Variants in COL28A1 observed in about 807,000 individuals in gnomAD.
COL28A1 encodes the protein collagen alpha-1(XXVIII) chain.
A neutral mutation model predicts 150.2 loss-of-function variants in COL28A1; 161 were observed. The ratio of observed to expected loss-of-function variants is 1.07; its 90% CI spans 0.94 to 1.22. The LOEUF is 1.22. Ranked by LOEUF, COL28A1 falls within the 50% of genes most tolerant of loss-of-function variation. The pLI is 0.00. For missense variants in COL28A1, 1,617 were observed against 1,388.3 expected, an observed-to-expected ratio of 1.16 and a Z score of -2.62; for synonymous variants, 552 against 469.7, an observed-to-expected ratio of 1.18 and a Z score of -2.26.
chr7:7,413,166 C>A (rs1783881421), intron 27 of COL28A1, among the ~76,000 whole-genome samples: 1 of 152,048 alleles, frequency 6.6e-6, no homozygotes, highest in African/African-American at 2.4e-5. Context: ...TAGAGGTCAC[C>A]AAATTACCCA....
intron 33 of COL28A1, among the ~76,000 whole-genome samples, chr7:7,365,029 G>A (rs1009569844): frequency 6.6e-6 from 1 of 152,054 alleles, no homozygotes; most frequent in Non-Finnish European, 1.5e-5. Flanking sequence ...AAAAAATTAG[G>A]CCCTAACATG....
At position 7,484,142 on chromosome 7, in the gene COL28A1, A is replaced by G. The variant is rs190306899; in HGVS notation, c.1164+5247T>C. Among the ~76,000 whole-genome samples, 946 of 152,306 alleles carry G rather than the reference A, an allele frequency of 6.2e-3. 37 individuals are homozygous for G. Among genetic ancestry groups the G allele is most frequent in the Admixed American group, 0.051 (787 of 15,306 alleles). ...AAAGTATATGTGAAAATATACTCAC[A>G]TTTATATGCATCATAATTCCTCTAC... On this transcript the variant is annotated intron_variant, in intron 13 of 34. Transcript: ENST00000399429.
intron 25 of COL28A1, among the ~76,000 whole-genome samples, chr7:7,420,855 T>C (rs929409628): frequency 6.7e-6 from 1 of 149,470 alleles, no homozygotes; most frequent in African/African-American, 2.6e-5. Context: ...TGCACAGCTA[T>C]TAAGGTGCAG....
chr7:7,356,329 G>A (rs933876602), downstream of COL28A1: 3 of 152,170 alleles, frequency 2.0e-5, no homozygotes, highest in African/African-American at 7.2e-5. Context: ...TAAATACGAA[G>A]TTCAAAATGG....
At position 7,398,506 on chromosome 7, in the gene COL28A1, A is replaced by T. The variant is rs539863400; in HGVS notation, c.2137-16894T>A. On this transcript the variant is annotated intron_variant, in intron 27 of 34. Transcript: ENST00000399429. The stretch of plus-strand genomic sequence containing the variant: ...TTTTGATTTTCTATCCAATTCACAG[A>T]ATTTAGTCCTGTTTTCTGACAATGA... Among the ~76,000 whole-genome samples the T allele has an allele frequency of 1.4e-4, 21 of 152,346 alleles. No individual in the cohort carries two copies. In the South Asian group the frequency reaches 4.3e-3, roughly 32 times the overall value.
intron 33 of COL28A1, among the ~76,000 whole-genome samples, chr7:7,361,592 GTGA>G (rs1780656851): frequency 6.6e-6 from 1 of 152,178 alleles, no homozygotes; most frequent in African/African-American, 2.4e-5. Context: ...CTAATGACCA[GTGA>G]TGATAAGCGT....
intron 18 of COL28A1, among the ~76,000 whole-genome samples, chr7:7,451,605 G>A (rs577207251): frequency 6.6e-5 from 10 of 151,980 alleles, no homozygotes; most frequent in South Asian, 2.1e-4. Context: ...GTACTCTAAC[G>A]GCTGAGCCTT....
chr7:7,399,128 A>C (rs546967304), intron 27 of COL28A1, among the ~76,000 whole-genome samples: 1 of 152,138 alleles, frequency 6.6e-6, no homozygotes, highest in Admixed American at 6.5e-5. Flanking sequence ...AATCCATCAA[A>C]ATACACCTTA....
At chr7:7,419,724 T>A (rs1471490075) in intron 26 of COL28A1, among the ~76,000 whole-genome samples, 161 bp downstream of exon 26, 4 of 152,242 alleles carry the variant, frequency 2.6e-5, no homozygotes, top group African/African-American at 9.6e-5. Context: ...AATGTTCTAT[T>A]TTACTGAACG....
chr7:7,445,501 C>G (rs1403697420), intron 18 of COL28A1, among the ~76,000 whole-genome samples: 1 of 152,188 alleles, frequency 6.6e-6, no homozygotes, highest in African/African-American at 2.4e-5. Flanking sequence ...GTTCCTAGTA[C>G]TTTCTTACAT....
Position 7,462,657 on chromosome 7 carries a change from A to G in COL28A1, c.1303-6545T>C, listed in dbSNP as rs12666212. Reference sequence around the variant, plus strand: ...ATGGACTACCTGAGGTCAGGAGTTCACGACCAGCCTGACCAACATAGAGAA... The same window carrying G: ...ATGGACTACCTGAGGTCAGGAGTTCGCGACCAGCCTGACCAACATAGAGAA... On this transcript the variant is annotated intron_variant, in intron 15 of 34. Coordinates refer to ENST00000399429, the MANE Select transcript of COL28A1 (RefSeq NM_001037763.3). Among the ~76,000 whole-genome samples the G allele has an allele frequency of 4.6e-3, 707 of 152,284 alleles. 5 individuals carry two copies. The highest frequency in any genetic ancestry group is 0.022 in the East Asian group (115 of 5,174).
At position 7,400,690 on chromosome 7, in the gene COL28A1, A is replaced by C. The variant is rs905968662; in HGVS notation, c.2136+17169T>G. Among the ~76,000 whole-genome samples, 3 of 115,948 alleles carry C rather than the reference A, an allele frequency of 2.6e-5. No homozygotes were observed. In the African/African-American group the frequency reaches 3.5e-4, roughly 14 times the overall value. The allele number at this position is 115,948 out of a possible 152,430, so 76.1% of individuals were successfully genotyped here. On this transcript the variant is annotated intron_variant, in intron 27 of 34. Transcript: ENST00000399429. ...CATATAATAATATCTCCCAGCTTAA[A>C]AAAAAAAAACCTTCCTTAATCACAC... is the stretch of plus-strand genomic sequence containing the variant.
chr7:7,454,201 G>T (rs1786950479), intron 16 of COL28A1, among the ~76,000 whole-genome samples: 1 of 152,124 alleles, frequency 6.6e-6, no homozygotes, highest in Non-Finnish European at 1.5e-5. Context: ...GGCCATTTAA[G>T]AGAGATTGTA....
At chr7:7,527,425 T>G (rs1782088148) in intron 3 of COL28A1, among the ~76,000 whole-genome samples, 1 of 152,094 alleles carries the variant, frequency 6.6e-6, no homozygotes, top group African/African-American at 2.4e-5. Flanking sequence ...TATGTCAAAG[T>G]TGATGAGGAA....
At chr7:7,422,356 C>T (rs191820401) in intron 25 of COL28A1, among the ~76,000 whole-genome samples, 42 of 152,240 alleles carry the variant, frequency 2.8e-4, no homozygotes, top group Admixed American at 2.3e-3. Context: ...CCAGGTTGGG[C>T]GCAGTGGCTT....
rs1334975555 is a variant in COL28A1, at chr7:7,373,739, C to T, written c.2360-193G>A. ...TTTGTGAGACAGAGTCTCGCTGTCG[C>T]CCAGGTTGGAGTGCAGTGGCGCGAT... On this transcript the variant is annotated intron_variant, in intron 31 of 34. Transcript: ENST00000399429. This position sits in a 1 kb window ranked among gnomAD's most constrained non-coding sequence, Gnocchi z 4.1. 6.6e-6 allele frequency among the ~76,000 whole-genome samples: 1 copy of T among 150,830 alleles called. No individual in the cohort carries two copies. Among genetic ancestry groups the T allele is most frequent in the Non-Finnish European group, 1.5e-5 (1 of 67,792 alleles).
chr7:7,481,266 T>C (rs1348191789), intron 13 of COL28A1, among the ~76,000 whole-genome samples: 2 of 152,038 alleles, frequency 1.3e-5, no homozygotes, highest in Non-Finnish European at 2.9e-5. Context: ...GAACGGAGAG[T>C]TAATGCTCAT....
chr7:7,480,374 C>G (rs1329374485), intron 13 of COL28A1, among the ~76,000 whole-genome samples: 1 of 151,944 alleles, frequency 6.6e-6, no homozygotes, highest in Non-Finnish European at 1.5e-5. Flanking sequence ...TTAACACTTC[C>G]AAGACCTTAA....
At chr7:7,379,770 C>G (rs185484315) in intron 30 of COL28A1, among the ~76,000 whole-genome samples, 12 of 152,328 alleles carry the variant, frequency 7.9e-5, no homozygotes, top group African/African-American at 2.6e-4. Flanking sequence ...TACATACACT[C>G]TCCCCTGCTA....
Sources: allele counts gnomAD v4.1 joint callset (sites outside exome capture counted in the v4.1 genomes callset), GRCh38; gene constraint gnomAD v4.1.1; non-coding constraint Gnocchi (gnomAD v3.1); transcripts MANE v1.5; gene names NCBI Gene and HGNC (gene_info 2026-07-23, HGNC 2026-07-21).